Variants in HDAC9 observed in about 807,000 individuals in gnomAD.
HDAC9 encodes the protein histone deacetylase 9.
HDAC9 carries 41 observed loss-of-function variants against 139.4 expected under a neutral mutation model. The observed-to-expected ratio is 0.29, with a 90% confidence interval of 0.23 to 0.38. The LOEUF is 0.38. Among genes scored for constraint, HDAC9 ranks in the 10% least tolerant of loss-of-function variants. The probability of loss-of-function intolerance (pLI) is 1.00; values close to 1 mark genes in which losing one functional copy is unlikely to be tolerated. For missense variants in HDAC9, 1,147 were observed against 1,297.0 expected (o/e 0.88, Z 1.78); for synonymous variants, 517 against 476.2 (o/e 1.09, Z -1.12).
chr7:18,715,311 C>T (rs1030807696), intron 12 of HDAC9, among the ~76,000 whole-genome samples: 3 of 151,718 alleles, frequency 2.0e-5, no homozygotes, highest in Non-Finnish European at 4.4e-5. Context: ...AATATTCTCT[C>T]TGTCTTATTT....
In HDAC9 at chr7:18,997,412, A is replaced by C. The variant is rs1157839737; in HGVS notation, c.*1350A>C. On this transcript the variant is annotated 3_prime_UTR_variant, in exon 26 of 26. Transcript: ENST00000686413. ...GATAAAAAGTAACTTACTAAATATA[A>C]GTAGGTTATCCTCCTACCTCCTAAA... 1 of 152,152 alleles carries C rather than the reference A, an allele frequency of 6.6e-6. No homozygotes were observed. Among genetic ancestry groups the C allele is most frequent in the Admixed American group, 6.5e-5 (1 of 15,272 alleles). 9.4% of individuals were successfully genotyped at this position (152,152 alleles called of 1,614,324 possible). A position where few individuals can be genotyped will look rare whatever the true frequency, so the allele number is the denominator to read the frequency against.
At chr7:18,307,733 G>T (rs572684697) in intron 1 of HDAC9, among the ~76,000 whole-genome samples, 10 of 152,220 alleles carry the variant, frequency 6.6e-5, no homozygotes, top group African/African-American at 2.4e-4. Flanking sequence ...AGCCCAGGAG[G>T]CAGAGGTTGC....
At chr7:18,272,935 C>G (rs1470498325) in intron 2 of HDAC9, among the ~76,000 whole-genome samples, 3 of 146,950 alleles carry the variant, frequency 2.0e-5, no homozygotes, top group African/African-American at 7.5e-5. Flanking sequence ...ACTACTACTA[C>G]TACTACTACT....
At chr7:18,318,567 C>T (rs958638457) in intron 1 of HDAC9, among the ~76,000 whole-genome samples, 6 of 152,178 alleles carry the variant, frequency 3.9e-5, no homozygotes, top group South Asian at 2.1e-4. Context: ...GGGGCCTCAG[C>T]ATCTGGATTT....
chr7:18,527,115 A>C (rs555160279), intron 2 of HDAC9, among the ~76,000 whole-genome samples: 1 of 152,160 alleles, frequency 6.6e-6, no homozygotes, highest in Non-Finnish European at 1.5e-5. Context: ...TCATTTCCAC[A>C]TGATCCTCAG....
chr7:18,870,656 T>C (rs1336757458), intron 21 of HDAC9, among the ~76,000 whole-genome samples: 1 of 152,176 alleles, frequency 6.6e-6, no homozygotes, highest in East Asian at 1.9e-4. Flanking sequence ...CCACTAATCT[T>C]ATTTATTATC....
At chr7:18,127,908 A>T (rs1026749284) in intron 1 of HDAC9, among the ~76,000 whole-genome samples, 13 of 108,334 alleles carry the variant, frequency 1.2e-4, no homozygotes, top group African/African-American at 3.4e-4. Flanking sequence ...TCGTGCATTT[A>T]AAAAAAACTT....
At chr7:18,258,314 G>A (rs76749757) in intron 2 of HDAC9, among the ~76,000 whole-genome samples, 413 of 152,224 alleles carry the variant, frequency 2.7e-3, no homozygotes, top group Admixed American at 4.5e-3. Context: ...AGACAGACAT[G>A]GTAACTGTTT....
In HDAC9 at chr7:19,000,671, G is replaced by A. The variant is rs1222630497; in HGVS notation, c.*4609G>A. On this transcript the variant is annotated 3_prime_UTR_variant, in exon 26 of 26. Coordinates refer to ENST00000686413, the MANE Select transcript of HDAC9 (RefSeq NM_178425.4). Reference sequence around the variant, plus strand: ...CTGTTTGGACTTGATCCAATGATAAGGTAATAAGGTTGTTGCAATTTCTCA... The same window carrying A: ...CTGTTTGGACTTGATCCAATGATAAAGTAATAAGGTTGTTGCAATTTCTCA... 6.6e-6 allele frequency: 1 copy of A among 152,138 alleles called. No individual in the cohort carries two copies. The highest frequency in any genetic ancestry group is 1.5e-5 in the Non-Finnish European group (1 of 68,000). The allele number at this position is 152,138 out of a possible 1,614,324, so 9.4% of individuals were successfully genotyped here.
At chr7:18,467,025 A>G (rs1167177773) in intron 1 of HDAC9, among the ~76,000 whole-genome samples, 2 of 152,152 alleles carry the variant, frequency 1.3e-5, no homozygotes, top group Admixed American at 6.5e-5. Context: ...ATTACTGTCT[A>G]TACACCAGTG....
chr7:18,526,752 G>GA (rs1436916693), intron 2 of HDAC9, among the ~76,000 whole-genome samples: 1 of 152,036 alleles, frequency 6.6e-6, no homozygotes, highest in African/African-American at 2.4e-5. Context: ...AACTTAAAAA[G>GA]AAAAAAACTC....
At chr7:18,698,414 T>A (rs1783213436) in intron 12 of HDAC9, among the ~76,000 whole-genome samples, 1 of 152,238 alleles carries the variant, frequency 6.6e-6, no homozygotes, top group African/African-American at 2.4e-5. Flanking sequence ...AAATAAGTTA[T>A]GCTTAACTCA....
chr7:18,625,072 A>G lies in HDAC9; in HGVS notation c.665-4278A>G, dbSNP rs566896696. On this transcript the variant is annotated intron_variant, in intron 6 of 25. Coordinates refer to ENST00000686413, the MANE Select transcript of HDAC9 (RefSeq NM_178425.4). ...AGATCATCACAATGCCTCAAATGTT[A>G]TCCTTTCTAAAACTGAGAATTATGC... Among the ~76,000 whole-genome samples, 9 of 152,278 alleles carry G rather than the reference A, an allele frequency of 5.9e-5. No homozygotes were observed. The East Asian group carries it at 1.7e-3, about 29-fold the overall frequency.
chr7:18,513,455 A>G (rs922057173), intron 2 of HDAC9, among the ~76,000 whole-genome samples: 2 of 152,232 alleles, frequency 1.3e-5, no homozygotes, highest in African/African-American at 4.8e-5. Context: ...ATAGTGCCTT[A>G]AAAGACCAAT....
chr7:18,324,685 A>G (rs1800301196), intron 1 of HDAC9, among the ~76,000 whole-genome samples: 1 of 152,272 alleles, frequency 6.6e-6, no homozygotes, highest in Non-Finnish European at 1.5e-5. Context: ...TTCTAATAAG[A>G]TTTATCCCCC....
intron 1 of HDAC9, among the ~76,000 whole-genome samples, chr7:18,378,948 A>T (rs551719790): frequency 6.6e-6 from 1 of 152,272 alleles, no homozygotes; most frequent in Admixed American, 6.5e-5. Flanking sequence ...TTATGGGCAC[A>T]TCAGTTTTAC....
intron 3 of HDAC9, among the ~76,000 whole-genome samples, chr7:18,586,451 A>G (rs1452743108): frequency 6.6e-6 from 1 of 152,106 alleles, no homozygotes; most frequent in Non-Finnish European, 1.5e-5. Context: ...TGAATGTAAT[A>G]AATTATGTTA....
intron 22 of HDAC9, among the ~76,000 whole-genome samples, chr7:18,885,348 C>T (rs976620802): frequency 6.6e-6 from 1 of 152,164 alleles, no homozygotes; most frequent in Admixed American, 6.5e-5. Flanking sequence ...TGATGTTGAA[C>T]GTTTTCCATG....
intron 2 of HDAC9, among the ~76,000 whole-genome samples, chr7:18,223,383 C>T (rs1792834546): frequency 6.6e-6 from 1 of 151,442 alleles, no homozygotes; most frequent in Non-Finnish European, 1.5e-5. Flanking sequence ...GAGTAAAAAC[C>T]CCGGTCAATT....
Sources: gnomAD v4.1 joint callset for allele counts (sites outside exome capture counted in the v4.1 genomes callset) on GRCh38, gnomAD v4.1.1 for gene constraint, MANE v1.5 for transcripts, NCBI Gene and HGNC (gene_info 2026-07-23, HGNC 2026-07-21) for gene names.